The following SLC35B4 variants were observed in gnomAD, a reference collection of about 807,000 sequenced individuals.
The protein encoded by SLC35B4 is solute carrier family 35 member B4.
In SLC35B4, 28 loss-of-function variants were observed where a neutral mutation model predicts 39.5. That is an observed-to-expected ratio of 0.71 (90% confidence interval 0.53 to 0.97). The LOEUF (loss-of-function observed/expected upper bound fraction) is 0.97, where lower values mean the gene tolerates loss of function less well. SLC35B4 is among the 50% of genes least tolerant of loss of function. The probability of loss-of-function intolerance (pLI) is 0.00; values close to 1 mark genes in which losing one functional copy is unlikely to be tolerated. For synonymous variants in SLC35B4, 145 were observed against 150.4 expected (o/e 0.96, Z 0.26); for missense variants, 334 against 414.3 (o/e 0.81, Z 1.68).
At chr7:134,319,074 C>G (rs1325977928), upstream of SLC35B4, among the ~76,000 whole-genome samples, 1 of 152,208 alleles carries the variant, frequency 6.6e-6, no homozygotes, top group African/African-American at 2.4e-5. Flanking sequence ...ATCCTCCCCT[C>G]TCATTTGCTC....
At chr7:134,307,887 C>T (rs1284959697) in intron 2 of SLC35B4, among the ~76,000 whole-genome samples, 1 of 152,238 alleles carries the variant, frequency 6.6e-6, no homozygotes, top group Admixed American at 6.5e-5. Flanking sequence ...AGCTTCTTCA[C>T]AGCTTCTAAA....
Position 134,292,839 on chromosome 7 carries a change from G to C in SLC35B4, c.*1994C>G, listed in dbSNP as rs1803362623. The C allele has an allele frequency of 2.0e-5, 3 of 152,258 alleles. No homozygotes were observed. Among genetic ancestry groups the C allele is most frequent in the African/African-American group, 7.2e-5 (3 of 41,524 alleles). 9.4% of individuals were successfully genotyped at this position (152,258 alleles called of 1,614,324 possible). ...TTCTAATTCAGCATCCTTCAGAAGA[G>C]CCCATTACTGGCTCTAGAAAGCTGT... On this transcript the variant is annotated 3_prime_UTR_variant, in exon 10 of 10. Coordinates refer to ENST00000378509, the MANE Select transcript of SLC35B4 (RefSeq NM_032826.5).
Position 134,296,425 on chromosome 7 carries a change from T to G in SLC35B4, c.715A>C (p.Met239Leu). The change falls in exon 9 of 10, where the codon ATG becomes CTG. Residue 239 changes from methionine (M) to leucine (L), a missense_variant. Physicochemically the swap from Met to Leu is conservative, Grantham distance 15. Transcript: ENST00000378509. ...IPVIGVTLPI[M>L]WFYLLMNIIT... The stretch of plus-strand genomic sequence containing the variant: ...ATGTTCATGAGGAGGTAGAACCACA[T>G]GATGGGCAGGGTCACTCCGATGACG... 1 of 1,614,072 alleles carries G rather than the reference T, an allele frequency of 6.2e-7. No homozygotes were observed. The highest frequency in any genetic ancestry group is 2.2e-5 in the East Asian group (1 of 44,886).
chr7:134,315,994 T>TTA (rs1213563119), intron 1 of SLC35B4, among the ~76,000 whole-genome samples: 2 of 150,610 alleles, frequency 1.3e-5, no homozygotes, highest in Non-Finnish European at 3.0e-5. Flanking sequence ...TCTACTTGCT[T>TTA]TTTTTTTTGT....
Position 134,292,541 on chromosome 7 carries a change from A to G in SLC35B4, c.*2292T>C, listed in dbSNP as rs1803355565. On this transcript the variant is annotated 3_prime_UTR_variant, in exon 10 of 10. Coordinates refer to ENST00000378509, the MANE Select transcript of SLC35B4 (RefSeq NM_032826.5). Reference sequence around the variant, plus strand: ...AAGTACTGTCTGTGAACATCAACACATACCCAATGAAGAAAACTTGTAATG... The same window carrying G: ...AAGTACTGTCTGTGAACATCAACACGTACCCAATGAAGAAAACTTGTAATG... 6.6e-6 allele frequency: 1 copy of G among 152,200 alleles called. No individual in the cohort carries two copies. Among genetic ancestry groups the G allele is most frequent in the Admixed American group, 6.5e-5 (1 of 15,288 alleles). The allele number at this position is 152,200 out of a possible 1,614,324, so 9.4% of individuals were successfully genotyped here. A position where few individuals can be genotyped will look rare whatever the true frequency, so the allele number is the denominator to read the frequency against.
chr7:134,315,852 C>T (rs549958968), intron 1 of SLC35B4, among the ~76,000 whole-genome samples: 1 of 152,258 alleles, frequency 6.6e-6, no homozygotes, highest in East Asian at 1.9e-4. Flanking sequence ...GAGTGAAATT[C>T]ACAACCCAGC....
chr7:134,293,993 A>G lies in SLC35B4; in HGVS notation c.*840T>C. The stretch of plus-strand genomic sequence containing the variant: ...TTTTTAGTAGAGATGGGGTTTCACC[A>G]TGTTGGCCAGATTGGTCTTGAACTC... On this transcript the variant is annotated 3_prime_UTR_variant, in exon 10 of 10. Transcript: ENST00000378509. 6.6e-6 allele frequency: 1 copy of G among 151,910 alleles called. No homozygotes were observed. Among genetic ancestry groups the G allele is most frequent in the East Asian group, 1.9e-4 (1 of 5,160 alleles). 9.4% of individuals were successfully genotyped at this position (151,910 alleles called of 1,614,324 possible).
chr7:134,301,156 A>G (rs1055392123), intron 6 of SLC35B4, among the ~76,000 whole-genome samples: 6 of 152,208 alleles, frequency 3.9e-5, no homozygotes, highest in Non-Finnish European at 8.8e-5. Flanking sequence ...TTCTCTTCCA[A>G]TTGGTCAGTC....
intron 4 of SLC35B4, among the ~76,000 whole-genome samples, chr7:134,303,912 C>G (rs550678102): frequency 4.4e-4 from 67 of 152,314 alleles, no homozygotes; most frequent in Non-Finnish European, 7.8e-4. Context: ...GTCCCCCCTG[C>G]TCCTGTCCCA....
At chr7:134,308,487 A>G (rs1200526572) in intron 2 of SLC35B4, among the ~76,000 whole-genome samples, 2 of 152,242 alleles carry the variant, frequency 1.3e-5, no homozygotes, top group African/African-American at 4.8e-5. Flanking sequence ...TGAAAAACTA[A>G]AAGTATCTGG....
chr7:134,303,733 A>G (rs1803644509), intron 4 of SLC35B4, among the ~76,000 whole-genome samples: 1 of 152,232 alleles, frequency 6.6e-6, no homozygotes, highest in South Asian at 2.1e-4. Context: ...ATCAACTTGT[A>G]TAATTTTGGT....
In SLC35B4 at chr7:134,302,016, G is replaced by A; in HGVS notation, c.426+13C>T. 1.2e-6 allele frequency: 2 copies of A among 1,611,796 alleles called. No homozygotes were observed. Among genetic ancestry groups the A allele is most frequent in the Non-Finnish European group, 1.7e-6 (2 of 1,179,116 alleles). On this transcript the variant is annotated intron_variant, in intron 5 of 9. Coordinates refer to ENST00000378509, the MANE Select transcript of SLC35B4 (RefSeq NM_032826.5). ...GCAAGTAGTGAACATAAAATAATTT[G>A]TGAGCTTCTTACCACCTGCTTTGCT...
chr7:134,299,649 T>A, intron 7 of SLC35B4, 51 bp from the exon 8 acceptor site: 1 of 1,434,214 alleles, frequency 7.0e-7, no homozygotes, highest in Non-Finnish European at 9.8e-7. Flanking sequence ...CATTATAGAA[T>A]AATTAGAGTA....
At chr7:134,305,637 G>GC (rs1803691161) in intron 3 of SLC35B4, among the ~76,000 whole-genome samples, 1 of 151,972 alleles carries the variant, frequency 6.6e-6, no homozygotes, top group African/African-American at 2.4e-5. Context: ...CTTTTAATAA[G>GC]TTTCTCCCCA....
chr7:134,306,334 A>C (rs1456085942), intron 3 of SLC35B4, among the ~76,000 whole-genome samples: 1 of 152,202 alleles, frequency 6.6e-6, no homozygotes, highest in Admixed American at 6.5e-5. Context: ...TGAAAGAAGA[A>C]GAGATAAGAA....
At chr7:134,306,344 A>G (rs1446432040) in intron 3 of SLC35B4, among the ~76,000 whole-genome samples, 16 of 152,354 alleles carry the variant, frequency 1.1e-4, no homozygotes, top group Admixed American at 7.8e-4. Flanking sequence ...AGAGATAAGA[A>G]ATAAGTTAAA....
At chr7:134,308,173 G>C (rs1803753062) in intron 2 of SLC35B4, among the ~76,000 whole-genome samples, 1 of 152,186 alleles carries the variant, frequency 6.6e-6, no homozygotes, top group Non-Finnish European at 1.5e-5. Flanking sequence ...GGGCAGGATG[G>C]GGAGTCTGGA....
At chr7:134,299,675 A>G (rs1803535826) in intron 7 of SLC35B4, 77 bp from the exon 8 acceptor site, 1 of 1,296,208 alleles carries the variant, frequency 7.7e-7, no homozygotes, top group East Asian at 2.4e-5. Context: ...ACAATGATTA[A>G]AAGTCGTACA....
intron 1 of SLC35B4, 152 bp downstream of exon 1, chr7:134,316,523 G>C (rs1003672436): frequency 9.4e-6 from 7 of 742,424 alleles, no homozygotes; most frequent in Non-Finnish European, 1.3e-5. Context: ...TGCCCAGACA[G>C]GACGGATTGC....
Sources: gnomAD v4.1 joint callset for allele counts (sites outside exome capture counted in the v4.1 genomes callset) on GRCh38, gnomAD v4.1.1 for gene constraint, MANE v1.5 for transcripts, NCBI Gene and HGNC (gene_info 2026-07-23, HGNC 2026-07-21) for gene names.